SIX5: variants seen among roughly 807,000 people sequenced by gnomAD.
The protein encoded by SIX5 is SIX homeobox 5.
Under a neutral mutation model 37.1 loss-of-function variants are expected in SIX5, and 21 were observed. That is an observed-to-expected ratio of 0.57 (90% confidence interval 0.40 to 0.81). The LOEUF (loss-of-function observed/expected upper bound fraction) is 0.81. SIX5 is among the 40% of genes least tolerant of loss of function. The pLI is 0.00. For synonymous variants in SIX5, 626 were observed against 505.9 expected (o/e 1.24, Z -3.19); for missense variants, 1,137 against 1,025.1 (o/e 1.11, Z -1.49).
Position 45,766,071 on chromosome 19 carries a change from G to T in SIX5, c.1650C>A (p.Ile550=), listed in dbSNP as rs753161382. ...CCTGCTGCAGGGCCACACCCGTCACGATGGGGCTGCCAGACACAGGGTTGG... is the reference window on the plus strand; with the variant it reads ...CCTGCTGCAGGGCCACACCCGTCACTATGGGGCTGCCAGACACAGGGTTGG... The part of the protein sequence containing the change: ...LLANPVSGSP[I]VTGVALQQGK... Residue 550 remains isoleucine, a synonymous_variant, in exon 3 of 3, where the codon ATC becomes ATA. Coordinates refer to ENST00000317578, the MANE Select transcript of SIX5 (RefSeq NM_175875.5). 1.9e-6 allele frequency: 3 copies of T among 1,611,938 alleles called. No homozygotes were observed. The highest frequency in any genetic ancestry group is 2.5e-6 in the Non-Finnish European group (3 of 1,179,280).
chr19:45,767,110 A>G lies in SIX5; in HGVS notation c.849T>C (p.Ser283=). ...CCGCCCCTCTCTCCAGGTCCTCAGG[A>G]CTTCGGCTGGACTCGTCCTCAGTCG... is the stretch of plus-strand genomic sequence containing the variant. ...NPTTEDESSR[S]PEDLERGAAP... is the part of the protein sequence containing the mutation. The change falls in exon 2 of 3, where the codon AGT becomes AGC. Residue 283 remains serine, a synonymous_variant. Transcript: ENST00000317578. 6.2e-7 allele frequency: 1 copy of G among 1,612,276 alleles called. No individual in the cohort carries two copies. Among genetic ancestry groups the G allele is most frequent in the Non-Finnish European group, 8.5e-7 (1 of 1,179,784 alleles).
rs1969051891 is a variant in SIX5 at position 45,765,597 on chromosome 19, G to A, written c.2124C>T (p.Ala708=). Residue 708 remains alanine, a synonymous_variant, in exon 3 of 3, where the codon GCC becomes GCT. Transcript: ENST00000317578. ...DPDPEGLLLG[A]TAGGEVDEGL... The stretch of plus-strand genomic sequence containing the variant: ...CCTCGTCAACCTCACCCCCTGCGGT[G>A]GCCCCCAGGAGCAGCCCCTCAGGGT... 8 of 1,613,186 alleles carry A rather than the reference G, an allele frequency of 5.0e-6. No homozygotes were observed. The highest frequency in any genetic ancestry group is 1.3e-5 in the African/African-American group (1 of 74,938).
Position 45,768,950 on chromosome 19 carries a change from C to T in SIX5, c.-106G>A, listed in dbSNP as rs1969162946. ...CTTTTCGCCCCCACTCCCCGCTCTT[C>T]TCGATCTTCTTTCTGGCCGACCCTG... On this transcript the variant is annotated 5_prime_UTR_variant, in exon 1 of 3. Transcript: ENST00000317578. 9.2e-7 allele frequency: 1 copy of T among 1,091,716 alleles called. No individual in the cohort carries two copies. Among genetic ancestry groups the T allele is most frequent in the South Asian group, 1.5e-5 (1 of 67,006 alleles). 67.6% of individuals were successfully genotyped at this position (1,091,716 alleles called of 1,614,324 possible). A position where few individuals can be genotyped will look rare whatever the true frequency, so the allele number is the denominator to read the frequency against.
chr19:45,766,958 G>A lies in SIX5; in HGVS notation c.1001C>T (p.Pro334Leu). 1 of 1,587,534 alleles carries A rather than the reference G, an allele frequency of 6.3e-7. No individual in the cohort carries two copies. The highest frequency in any genetic ancestry group is 8.6e-7 in the Non-Finnish European group (1 of 1,169,280). Reference sequence around the variant, plus strand: ...GGGGCCCCCGTTGAGGAGCACTGCTGGGGAGCCGCTGGCTGCCAGGAAGCT... The same window carrying A: ...GGGGCCCCCGTTGAGGAGCACTGCTAGGGAGCCGCTGGCTGCCAGGAAGCT... ...NGSFLAASGS[P>L]AVLLNGGPVI... Residue 334 changes from proline to leucine, a missense_variant, in exon 2 of 3, where the codon CCA (proline) becomes CTA (leucine). Physicochemically the swap from Pro to Leu is moderately conservative, Grantham distance 98. Transcript: ENST00000317578.
chr19:45,767,973 CG>C, intron 1 of SIX5, 68 bp downstream of exon 1: 5 of 1,495,904 alleles, frequency 3.3e-6, no homozygotes, highest in Non-Finnish European at 4.5e-6. Flanking sequence ...GCAGTGGGCA[CG>C]GGGGAAGAGG....
At position 45,765,356 on chromosome 19, in the gene SIX5, A is replaced by C; in HGVS notation, c.*145T>G. On this transcript the variant is annotated 3_prime_UTR_variant, in exon 3 of 3. Transcript: ENST00000317578. ...GGTGGCCGGGGATACAACCCCCAGC[A>C]CCACCAGGGCTTGGAGAGGCCACCC... is the stretch of plus-strand genomic sequence containing the variant. 1 of 1,165,200 alleles carries C rather than the reference A, an allele frequency of 8.6e-7. No individual in the cohort carries two copies. Among genetic ancestry groups the C allele is most frequent in the South Asian group, 1.2e-5 (1 of 80,834 alleles). The allele number at this position is 1,165,200 out of a possible 1,614,324, so 72.2% of individuals were successfully genotyped here. A position where few individuals can be genotyped will look rare whatever the true frequency, so the allele number is the denominator to read the frequency against.
In SIX5 at chr19:45,768,350, C is replaced by T; in HGVS notation, c.495G>A (p.Leu165=). The stretch of plus-strand genomic sequence containing the variant: ...GCTCGGCCTCATGGTAGCGCGCGCG[C>T]AGGTAGAGGTCCTGCAGGAAGGCGT... ...AHHAFLQDLY[L]RARYHEAERA... Residue 165 remains leucine, a synonymous_variant, in exon 1 of 3, where the codon CTG becomes CTA. Coordinates refer to ENST00000317578, the MANE Select transcript of SIX5 (RefSeq NM_175875.5). 6.3e-7 allele frequency: 1 copy of T among 1,599,670 alleles called. No homozygotes were observed. The highest frequency in any genetic ancestry group is 2.3e-5 in the East Asian group (1 of 44,438).
In SIX5 at chr19:45,765,712, T is replaced by C. The variant is rs1600396663; in HGVS notation, c.2009A>G (p.Glu670Gly). ...AAVPVWSAGL[E>G]LSAGTEGLLE... Reference sequence around the variant, plus strand: ...CAGCCCCTCTGTTCCTGCGCTTAGTTCCAGCCCTGCTGACCAGACAGGCAC... The same window carrying C: ...CAGCCCCTCTGTTCCTGCGCTTAGTCCCAGCCCTGCTGACCAGACAGGCAC... The change falls in exon 3 of 3, where the codon GAA becomes GGA. Residue 670 changes from glutamate (E) to glycine (G), a missense_variant. Transcript: ENST00000317578. The C allele has an allele frequency of 6.2e-7, 1 of 1,612,888 alleles. No individual in the cohort carries two copies. The highest frequency in any genetic ancestry group is 2.2e-5 in the East Asian group (1 of 44,876).
At position 45,765,606 on chromosome 19, in the gene SIX5, G is replaced by GA; in HGVS notation, c.2114dup (p.Leu706ProfsTer8). 6.2e-7 allele frequency: 1 copy of GA among 1,613,332 alleles called. No homozygotes were observed. The highest frequency in any genetic ancestry group is 8.5e-7 in the Non-Finnish European group (1 of 1,180,016). ...CCTCACCCCCTGCGGTGGCCCCCAGGAGCAGCCCCTCAGGGTCGGGGTCTG... is the reference window on the plus strand; with the variant it reads ...CCTCACCCCCTGCGGTGGCCCCCAGGAAGCAGCCCCTCAGGGTCGGGGTCTG... On this transcript the variant is annotated frameshift_variant, in exon 3 of 3. Transcript: ENST00000317578. LOFTEE classifies it high-confidence loss of function.
rs759878835 is a variant in SIX5 at position 45,765,755 on chromosome 19, T to G, written c.1966A>C (p.Met656Leu). Residue 656 changes from methionine (M) to leucine (L), a missense_variant, in exon 3 of 3, where the codon ATG becomes CTG. By Grantham distance (15) the Met-to-Leu change is conservative. This residue lies in a region of SIX5 where 787 missense variants were observed against 621.4 expected (regional missense o/e 1.27). Transcript: ENST00000317578. ...NFPAPPPEGL[M>L]LSPAAVPVWS... ...ACAGGCACGGCCGCGGGTGACAACA[T>G]CAGCCCCTCTGGTGGGGGCGCCGGG... is the stretch of plus-strand genomic sequence containing the variant. The G allele has an allele frequency of 6.2e-7, 1 of 1,610,838 alleles. No individual in the cohort carries two copies. Among genetic ancestry groups the G allele is most frequent in the East Asian group, 2.2e-5 (1 of 44,876 alleles).
chr19:45,766,311 C>G (rs1366556164), intron 2 of SIX5, 39 bp downstream of exon 2: 1 of 1,535,608 alleles, frequency 6.5e-7, no homozygotes, highest in Non-Finnish European at 8.8e-7. Context: ...CACCCCTCCC[C>G]GGCTCTCACC....
Position 45,766,157 on chromosome 19 carries a change from G to A in SIX5, c.1610-46C>T, listed in dbSNP as rs754119895. On this transcript the variant is annotated intron_variant, in intron 2 of 2. Transcript: ENST00000317578. ...AGCGCAGGTGAGAGCCAGGAGAGCA[G>A]GCCAAGCCAGAGAGAAGTGGAGACT... 8 of 1,589,732 alleles carry A rather than the reference G, an allele frequency of 5.0e-6. No homozygotes were observed. The African/African-American group carries it at 5.4e-5, about 11-fold the overall frequency.
In SIX5 at chr19:45,766,076, G is replaced by A. The variant is rs1025100328; in HGVS notation, c.1645C>T (p.Pro549Ser). The change falls in exon 3 of 3, where the codon CCC becomes TCC. Residue 549 changes from proline (P) to serine (S), a missense_variant. By Grantham distance (74) the Pro-to-Ser change is moderately conservative. Transcript: ENST00000317578. Reference protein sequence around the residue: ...FLLANPVSGSPIVTGVALQQG... With the variant: ...FLLANPVSGSSIVTGVALQQG... Reference sequence around the variant, plus strand: ...TGCAGGGCCACACCCGTCACGATGGGGCTGCCAGACACAGGGTTGGCCAGG... The same window carrying A: ...TGCAGGGCCACACCCGTCACGATGGAGCTGCCAGACACAGGGTTGGCCAGG... The A allele has an allele frequency of 6.2e-7, 1 of 1,612,162 alleles. No homozygotes were observed. The highest frequency in any genetic ancestry group is 8.5e-7 in the Non-Finnish European group (1 of 1,179,290).
chr19:45,767,925 C>G (rs1969114776), intron 1 of SIX5, 117 bp downstream of exon 1: 2 of 1,128,972 alleles, frequency 1.8e-6, no homozygotes, highest in Admixed American at 5.1e-5. Context: ...GTGAGCTGGT[C>G]CCGGGAGATG....
Position 45,765,419 on chromosome 19 carries a change from G to T in SIX5, c.*82C>A. On this transcript the variant is annotated 3_prime_UTR_variant, in exon 3 of 3. Transcript: ENST00000317578. ...GTGGTGACTGGGGTCTTCAGCAACC[G>T]CATTTCTGGGGCTCCCCCCTCCCAT... 2 of 1,597,428 alleles carry T rather than the reference G, an allele frequency of 1.3e-6. No individual in the cohort carries two copies. Among genetic ancestry groups the T allele is most frequent in the Non-Finnish European group, 1.7e-6 (2 of 1,169,176 alleles).
chr19:45,765,980 G>A lies in SIX5; in HGVS notation c.1741C>T (p.Pro581Ser). 1 of 1,594,228 alleles carries A rather than the reference G, an allele frequency of 6.3e-7. No individual in the cohort carries two copies. The highest frequency in any genetic ancestry group is 1.3e-5 in the African/African-American group (1 of 74,870). Residue 581 changes from proline (P) to serine (S), a missense_variant, in exon 3 of 3, where the codon CCC becomes TCC. Pro to Ser is a moderately conservative substitution (Grantham distance 74). This residue lies in a region of SIX5 where 787 missense variants were observed against 621.4 expected (regional missense o/e 1.27). Coordinates refer to ENST00000317578, the MANE Select transcript of SIX5 (RefSeq NM_175875.5). ...GGCTTCAGTGGCAGGGCCAGGCCGG[G>A]GGCTGGCGGCAGGACCTGGGAGACG... ...MLVSQVLPPAPGLALPLKPET... is the reference protein window; with the variant it reads ...MLVSQVLPPASGLALPLKPET...
rs1230876703 is a variant in SIX5 at position 45,768,237 on chromosome 19, T to C, written c.608A>G (p.Glu203Gly). The change falls in exon 1 of 3, where the codon GAG (glutamate) becomes GGG (glycine). Residue 203 changes from glutamate to glycine, a missense_variant. Glu to Gly is a moderately conservative substitution (Grantham distance 98). Transcript: ENST00000317578. ...PLPKTIWDGEETVYCFKERSR... is the reference protein window; with the variant it reads ...PLPKTIWDGEGTVYCFKERSR... ...GCGCTCCTTGAAGCAGTAGACTGTC[T>C]CCTCGCCGTCCCAGATGGTCTTGGG... 1 of 1,613,106 alleles carries C rather than the reference T, an allele frequency of 6.2e-7. No individual in the cohort carries two copies. The highest frequency in any genetic ancestry group is 2.2e-5 in the East Asian group (1 of 44,862).
At chr19:45,767,411 C>A (rs879785006) in intron 1 of SIX5, among the ~76,000 whole-genome samples, 1 of 152,206 alleles carries the variant, frequency 6.6e-6, no homozygotes, top group Non-Finnish European at 1.5e-5. Flanking sequence ...AGGCTGAGCT[C>A]CCAGGTTGCC....
chr19:45,766,076 G>T lies in SIX5; in HGVS notation c.1645C>A (p.Pro549Thr). 3 of 1,612,162 alleles carry T rather than the reference G, an allele frequency of 1.9e-6. No homozygotes were observed. The highest frequency in any genetic ancestry group is 2.5e-6 in the Non-Finnish European group (3 of 1,179,290). The change falls in exon 3 of 3, where the codon CCC becomes ACC. Residue 549 changes from proline (P) to threonine (T), a missense_variant. By Grantham distance (38) the Pro-to-Thr change is conservative. Around this residue, in one of 3 missense-constraint regions of SIX5, gnomAD observed 787 missense variants for 621.4 expected, o/e 1.27. Coordinates refer to ENST00000317578, the MANE Select transcript of SIX5 (RefSeq NM_175875.5). ...FLLANPVSGS[P>T]IVTGVALQQG... ...TGCAGGGCCACACCCGTCACGATGG[G>T]GCTGCCAGACACAGGGTTGGCCAGG...
Sources: allele counts gnomAD v4.1 joint callset (sites outside exome capture counted in the v4.1 genomes callset), GRCh38; gene constraint gnomAD v4.1.1; regional missense constraint gnomAD v4.1.1; transcripts MANE v1.5; gene names NCBI Gene and HGNC (gene_info 2026-07-23, HGNC 2026-07-21).